STYXL2: variants seen among roughly 807,000 people sequenced by gnomAD.
The protein encoded by STYXL2 is serine/threonine/tyrosine interacting like 2, also known as serine/threonine/tyrosine-interacting-like protein 2.
A neutral mutation model predicts 52.4 loss-of-function variants in STYXL2; 44 were observed. The observed-to-expected ratio is 0.84, with a 90% CI of 0.66 to 1.08. The LOEUF (loss-of-function observed/expected upper bound fraction) is 1.08. STYXL2 is among the 50% of genes least tolerant of loss of function. The probability of loss-of-function intolerance (pLI) is 0.00; values close to 1 mark genes in which losing one functional copy is unlikely to be tolerated. For missense variants in STYXL2, 1,604 were observed against 1,471.7 expected (o/e 1.09, Z -1.47); for synonymous variants, 604 against 586.9 (o/e 1.03, Z -0.42).
intron 4 of STYXL2, among the ~76,000 whole-genome samples, chr1:167,118,945 C>T (rs759065952): frequency 3.3e-5 from 5 of 152,150 alleles, no homozygotes; most frequent in Non-Finnish European, 5.9e-5. Context: ...TGTCCATTCC[C>T]AAGGCATGGG....
At chr1:167,104,025 CA>C (rs1290416353) in intron 2 of STYXL2, among the ~76,000 whole-genome samples, 1 of 152,064 alleles carries the variant, frequency 6.6e-6, no homozygotes, top group Non-Finnish European at 1.5e-5. Context: ...GAGGCTGAGA[CA>C]GGTGAATGGC....
In STYXL2 at chr1:167,125,804, A is replaced by G; in HGVS notation, c.673A>G (p.Ser225Gly). Residue 225 changes from serine (S) to glycine (G), a missense_variant, in exon 6 of 6, where the codon AGC becomes GGC. Transcript: ENST00000361200. ...LTYRGKVLVS[S>G]EMGISRSAVL... ...CATTTCAGGGAAAGTCCTGGTCAGCAGCGAAATGGGCATCAGCCGGTCAGC... is the reference window on the plus strand; with the variant it reads ...CATTTCAGGGAAAGTCCTGGTCAGCGGCGAAATGGGCATCAGCCGGTCAGC... The G allele has an allele frequency of 6.2e-7, 1 of 1,601,992 alleles. No individual in the cohort carries two copies. The highest frequency in any genetic ancestry group is 8.5e-7 in the Non-Finnish European group (1 of 1,174,160).
intron 5 of STYXL2, among the ~76,000 whole-genome samples, 166 bp downstream of exon 5, chr1:167,119,632 A>G (rs1667809918): frequency 6.6e-6 from 1 of 152,222 alleles, no homozygotes; most frequent in Admixed American, 6.5e-5. Flanking sequence ...TCATCCAGTA[A>G]GTAATTACTG....
rs761077185 is a variant in STYXL2, at chr1:167,127,414, C to A, written c.2283C>A (p.Ser761Arg). 6.2e-7 allele frequency: 1 copy of A among 1,614,118 alleles called. No individual in the cohort carries two copies. The highest frequency in any genetic ancestry group is 8.5e-7 in the Non-Finnish European group (1 of 1,179,988). Residue 761 changes from serine to arginine, a missense_variant, in exon 6 of 6, where the codon AGC (serine) becomes AGA (arginine). Ser to Arg is a moderately radical substitution (Grantham distance 110). Coordinates refer to ENST00000361200, the MANE Select transcript of STYXL2 (RefSeq NM_001080426.3). ...VASMKAVPAA[S>R]CLGDDQVSML... ...GCATGAAGGCAGTACCAGCGGCTAG[C>A]TGCCTGGGGGATGACCAAGTCTCCA... is the stretch of plus-strand genomic sequence containing the variant.
intron 5 of STYXL2, among the ~76,000 whole-genome samples, chr1:167,120,885 T>TAGAG (rs1186545342): frequency 9.8e-6 from 1 of 101,834 alleles, no homozygotes; most frequent in Non-Finnish European, 2.2e-5. Context: ...TATATATATA[T>TAGAG]ACAGAGAGAG....
In STYXL2 at chr1:167,119,318, C is replaced by A. The variant is rs1432642651; in HGVS notation, c.507C>A (p.Gly169=). 6.2e-7 allele frequency: 1 copy of A among 1,612,042 alleles called. No individual in the cohort carries two copies. The highest frequency in any genetic ancestry group is 1.3e-5 in the African/African-American group (1 of 74,188). The stretch of plus-strand genomic sequence containing the variant: ...CCCACATTCTGAATGCTGCGCATGG[C>A]ACCGGCGTTTACACTGGCCCCGAAT... ...GITHILNAAH[G]TGVYTGPEFY... Residue 169 remains glycine (G), a synonymous_variant, in exon 5 of 6, where the codon GGC becomes GGA. Transcript: ENST00000361200.
chr1:167,098,249 A>T (rs987387116), intron 2 of STYXL2, among the ~76,000 whole-genome samples: 2 of 151,922 alleles, frequency 1.3e-5, no homozygotes, highest in African/African-American at 4.8e-5. Context: ...TGACCTTGTG[A>T]TCCCTCTGCC....
At chr1:167,097,700 A>G (rs1394929795) in intron 2 of STYXL2, among the ~76,000 whole-genome samples, 2 of 152,016 alleles carry the variant, frequency 1.3e-5, no homozygotes, top group African/African-American at 4.8e-5. Flanking sequence ...TAAAAAAAAA[A>G]GAAAGAAAAA....
At chr1:167,125,730 G>A (rs1037543275) in intron 5 of STYXL2, 57 bp from the exon 6 acceptor site, 6 of 1,511,312 alleles carry the variant, frequency 4.0e-6, no homozygotes, top group Non-Finnish European at 4.4e-6. Flanking sequence ...AAACAAACAA[G>A]AACACTACAA....
intron 3 of STYXL2, among the ~76,000 whole-genome samples, chr1:167,116,977 T>G (rs1030166031): frequency 5.3e-5 from 8 of 152,162 alleles, no homozygotes; most frequent in African/African-American, 1.9e-4. Flanking sequence ...ATCCACTTTG[T>G]ACTGGGCACT....
In STYXL2 at chr1:167,127,179, G is replaced by A. The variant is rs1459103905; in HGVS notation, c.2048G>A (p.Ser683Asn). 3 of 1,614,026 alleles carry A rather than the reference G, an allele frequency of 1.9e-6. No homozygotes were observed. Among genetic ancestry groups the A allele is most frequent in the African/African-American group, 2.7e-5 (2 of 74,926 alleles). Residue 683 changes from serine (S) to asparagine (N), a missense_variant, in exon 6 of 6, where the codon AGC (serine) becomes AAC (asparagine). Transcript: ENST00000361200. The part of the protein sequence containing the change: ...GDTTSVLSTQ[S>N]HRSHLSQAAS... ...ACGACGTCAGTACTGAGCACCCAGA[G>A]CCACCGCTCCCACCTGTCTCAGGCT... is the stretch of plus-strand genomic sequence containing the variant.
chr1:167,121,033 C>T (rs151234074), intron 5 of STYXL2, among the ~76,000 whole-genome samples: 4 of 138,876 alleles, frequency 2.9e-5, no homozygotes, highest in Admixed American at 7.2e-5. Flanking sequence ...TTTTTTTAGG[C>T]GGAGTCTCGC....
intron 3 of STYXL2, among the ~76,000 whole-genome samples, chr1:167,116,943 C>T (rs1433447665): frequency 6.6e-6 from 1 of 152,196 alleles, no homozygotes; most frequent in Non-Finnish European, 1.5e-5. Context: ...AGCCACTACG[C>T]CTGGCTGGTA....
At chr1:167,112,806 T>C (rs1667645778) in intron 2 of STYXL2, among the ~76,000 whole-genome samples, 1 of 152,196 alleles carries the variant, frequency 6.6e-6, no homozygotes, top group Admixed American at 6.5e-5. Flanking sequence ...TTTGTCAGAA[T>C]TAAATTCATA....
intron 2 of STYXL2, among the ~76,000 whole-genome samples, chr1:167,110,195 C>T (rs572769306): frequency 2.0e-5 from 3 of 152,200 alleles, no homozygotes; most frequent in East Asian, 1.9e-4. Flanking sequence ...ATCAAGAGAA[C>T]ACCACATGAG....
At chr1:167,103,426 A>G (rs1667442029) in intron 2 of STYXL2, among the ~76,000 whole-genome samples, 1 of 152,148 alleles carries the variant, frequency 6.6e-6, no homozygotes, top group Admixed American at 6.5e-5. Flanking sequence ...CCAAACAGCC[A>G]CTAGCAGCCA....
At chr1:167,105,762 C>A (rs910510717) in intron 2 of STYXL2, among the ~76,000 whole-genome samples, 1 of 152,196 alleles carries the variant, frequency 6.6e-6, no homozygotes, top group African/African-American at 2.4e-5. Context: ...CCCCTCATGG[C>A]GGCTGACTCG....
chr1:167,099,850 A>T (rs1462399512), intron 2 of STYXL2, among the ~76,000 whole-genome samples: 1 of 152,282 alleles, frequency 6.6e-6, no homozygotes, highest in Non-Finnish European at 1.5e-5. Context: ...GTCATTAAGG[A>T]TATAGGATGT....
Position 167,128,137 on chromosome 1 carries a change from A to C in STYXL2, c.3006A>C (p.Arg1002Ser). The C allele has an allele frequency of 6.2e-7, 1 of 1,614,198 alleles. No homozygotes were observed. The highest frequency in any genetic ancestry group is 8.5e-7 in the Non-Finnish European group (1 of 1,180,038). The change falls in exon 6 of 6, where the codon AGA (arginine) becomes AGC (serine). Residue 1002 changes from arginine to serine, a missense_variant. Transcript: ENST00000361200. ...SYHEANGNSV[R>S]STSRFSSSST... is the part of the protein sequence containing the mutation. ...ACGAGGCAAATGGCAACTCTGTAAG[A>C]AGCACTTCACGGTTCTCATCTTCCT...
Sources: allele counts gnomAD v4.1 joint callset (sites outside exome capture counted in the v4.1 genomes callset), GRCh38; gene constraint gnomAD v4.1.1; transcripts MANE v1.5; gene names NCBI Gene and HGNC (gene_info 2026-07-23, HGNC 2026-07-21).